PMFBP1: variants seen among roughly 807,000 people sequenced by gnomAD.
PMFBP1 encodes the protein polyamine modulated factor 1 binding protein 1, also known as polyamine-modulated factor 1-binding protein 1.
PMFBP1 carries 131 observed loss-of-function variants against 137.8 expected under a neutral mutation model. That is an observed-to-expected ratio of 0.95 (90% confidence interval 0.82 to 1.10). The LOEUF is 1.10. Among genes scored for constraint, PMFBP1 ranks in the 50% least tolerant of loss-of-function variants. The pLI, the probability that PMFBP1 is intolerant of heterozygous loss-of-function variation, is 0.00. For missense variants in PMFBP1, 1,199 were observed against 1,175.4 expected (o/e 1.02, Z -0.29); for synonymous variants, 490 against 450.4 (o/e 1.09, Z -1.11).
chr16:72,210,829 G>C, the PMFBP1 span, among the ~76,000 whole-genome samples: 2 of 152,230 alleles, frequency 1.3e-5, no homozygotes, highest in African/African-American at 4.8e-5. Context: ...AGTGATGCTA[G>C]CCAGGGGTTC....
At chr16:72,169,503 T>C (rs1213260105) in intron 2 of PMFBP1, among the ~76,000 whole-genome samples, 1 of 152,190 alleles carries the variant, frequency 6.6e-6, no homozygotes, top group African/African-American at 2.4e-5. Flanking sequence ...TTAGAACCAA[T>C]TATGTTCATA....
chr16:72,228,176 C>T, the PMFBP1 span, among the ~76,000 whole-genome samples: 2 of 152,082 alleles, frequency 1.3e-5, no homozygotes, highest in Admixed American at 1.3e-4. Context: ...GACCAATTCC[C>T]AGCCCTTCTC....
rs868689801 is a variant in PMFBP1, at chr16:72,150,804, C to T, written c.440G>A (p.Gly147Glu). 1.8e-5 allele frequency: 29 copies of T among 1,613,976 alleles called. No homozygotes were observed. The highest frequency in any genetic ancestry group is 2.5e-5 in the Non-Finnish European group (29 of 1,180,016). The change falls in exon 5 of 21, where the codon GGA becomes GAA. Residue 147 changes from glycine (G) to glutamate (E), a missense_variant. Transcript: ENST00000237353. ...CTCCCCTGTGTTCTCGTTGTGATTT[C>T]CCATTTCCTCCTCATAGAGAATCAC... ...DEVILYEEEM[G>E]NHNENTGEKL...
chr16:72,249,776 C>G, the PMFBP1 span, among the ~76,000 whole-genome samples: 1 of 151,240 alleles, frequency 6.6e-6, no homozygotes, highest in East Asian at 1.9e-4. Flanking sequence ...AAAAAAATAC[C>G]TGGGCGTGGT....
At chr16:72,125,157 G>T in intron 16 of PMFBP1, 81 bp downstream of exon 16, 1 of 1,521,326 alleles carries the variant, frequency 6.6e-7, no homozygotes. Flanking sequence ...GAATGACTTA[G>T]TGCTAAATAA....
chr16:72,159,167 G>A (rs917017799), intron 3 of PMFBP1, among the ~76,000 whole-genome samples: 2 of 152,144 alleles, frequency 1.3e-5, no homozygotes, highest in Admixed American at 1.3e-4. Flanking sequence ...AAGAATGAGA[G>A]AAATGCTCTT....
the PMFBP1 span, among the ~76,000 whole-genome samples, chr16:72,188,349 T>G: frequency 1.3e-5 from 2 of 152,242 alleles, no homozygotes; most frequent in African/African-American, 2.4e-5. Context: ...TAGACAGCAC[T>G]GAGAGCTTTC....
chr16:72,190,006 T>G, the PMFBP1 span, among the ~76,000 whole-genome samples: 1 of 152,222 alleles, frequency 6.6e-6, no homozygotes, highest in African/African-American at 2.4e-5. Flanking sequence ...GTTGTTAGAA[T>G]GCAAAATTCT....
Position 72,164,924 on chromosome 16 carries a change from G to A in PMFBP1, c.13-8C>T, listed in dbSNP as rs1356900482. 2.5e-6 allele frequency: 4 copies of A among 1,575,050 alleles called. No individual in the cohort carries two copies. The highest frequency in any genetic ancestry group is 2.3e-5 in the South Asian group (2 of 88,468). On this transcript the variant is annotated splice_polypyrimidine_tract_variant and splice_region_variant and intron_variant, in intron 2 of 20. Coordinates refer to ENST00000237353, the MANE Select transcript of PMFBP1 (RefSeq NM_031293.3). Reference sequence around the variant, plus strand: ...TCTGTCTCTCTCCCCCGCCTAGGCAGCCAGAAAAACAAAAGCATCAATTAT... The same window carrying A: ...TCTGTCTCTCTCCCCCGCCTAGGCAACCAGAAAAACAAAAGCATCAATTAT...
the PMFBP1 span, among the ~76,000 whole-genome samples, chr16:72,222,749 T>A: frequency 6.6e-6 from 1 of 152,274 alleles, no homozygotes; most frequent in African/African-American, 2.4e-5. Flanking sequence ...CCTTGGAGTT[T>A]TTTGTTTTTG....
At chr16:72,204,639 C>T in the PMFBP1 span, among the ~76,000 whole-genome samples, 59 of 152,258 alleles carry the variant, frequency 3.9e-4, no homozygotes, top group Non-Finnish European at 6.6e-4. Flanking sequence ...CATTCCTGAA[C>T]GAATGAATGA....
At chr16:72,167,771 T>G (rs1277268646) in intron 2 of PMFBP1, among the ~76,000 whole-genome samples, 1 of 152,204 alleles carries the variant, frequency 6.6e-6, no homozygotes, top group Non-Finnish European at 1.5e-5. Context: ...TACCCTATAC[T>G]CTTGCCTTGG....
chr16:72,122,266 G>A (rs780148178), intron 19 of PMFBP1, among the ~76,000 whole-genome samples: 5 of 152,170 alleles, frequency 3.3e-5, no homozygotes, highest in Admixed American at 6.5e-5. Context: ...ATGGTGTTAC[G>A]TAAGGCATGG....
intron 5 of PMFBP1, among the ~76,000 whole-genome samples, chr16:72,148,087 C>T (rs892189593): frequency 1.3e-5 from 2 of 152,156 alleles, no homozygotes; most frequent in African/African-American, 4.8e-5. Flanking sequence ...TTTACTGCCA[C>T]ACTGTTCACA....
At chr16:72,221,526 A>G in the PMFBP1 span, among the ~76,000 whole-genome samples, 1 of 152,190 alleles carries the variant, frequency 6.6e-6, no homozygotes, top group Non-Finnish European at 1.5e-5. Context: ...TACAAAATGG[A>G]AACCAGGAAA....
At chr16:72,170,563 G>A (rs2043206644) in intron 2 of PMFBP1, among the ~76,000 whole-genome samples, 1 of 152,120 alleles carries the variant, frequency 6.6e-6, no homozygotes, top group Non-Finnish European at 1.5e-5. Context: ...CTGAGTGGCT[G>A]GGACCAAAAG....
the PMFBP1 span, among the ~76,000 whole-genome samples, chr16:72,240,986 G>A: frequency 6.6e-6 from 1 of 152,074 alleles, no homozygotes; most frequent in East Asian, 1.9e-4. Flanking sequence ...GCAGGTGGAG[G>A]GGGTTAAGGG....
the PMFBP1 span, among the ~76,000 whole-genome samples, chr16:72,242,916 G>A: frequency 1.3e-5 from 2 of 152,196 alleles, no homozygotes; most frequent in Non-Finnish European, 2.9e-5. Context: ...GGAGGAGAGC[G>A]ACGAAGGCGT....
At chr16:72,225,588 C>G in the PMFBP1 span, among the ~76,000 whole-genome samples, 1 of 151,648 alleles carries the variant, frequency 6.6e-6, no homozygotes, top group African/African-American at 2.4e-5. Flanking sequence ...TGGTGCATGC[C>G]TAAAGTTTCA....
Sources: allele counts gnomAD v4.1 joint callset (sites outside exome capture counted in the v4.1 genomes callset), GRCh38; gene constraint gnomAD v4.1.1; transcripts MANE v1.5; gene names NCBI Gene and HGNC (gene_info 2026-07-23, HGNC 2026-07-21).